The following LRP1B variants were observed in gnomAD, a reference collection of about 807,000 sequenced individuals.
LRP1B encodes LDL receptor related protein 1B, also known as low-density lipoprotein receptor-related protein 1B.
Under a neutral mutation model 556.6 loss-of-function variants are expected in LRP1B, and 217 were observed. The ratio of observed to expected loss-of-function variants is 0.39; its 90% CI spans 0.35 to 0.44. The LOEUF (loss-of-function observed/expected upper bound fraction) is 0.44. Among genes scored for constraint, LRP1B ranks in the 20% least tolerant of loss-of-function variants. LRP1B has a pLI of 1.00. For synonymous variants in LRP1B, 2,047 were observed against 1,865.8 expected, an observed-to-expected ratio of 1.10 and a Z score of -2.50; for missense variants, 5,053 against 5,620.8, an observed-to-expected ratio of 0.90 and a Z score of 3.23.
intron 21 of LRP1B, among the ~76,000 whole-genome samples, chr2:140,917,198 G>A (rs1375802586): frequency 1.3e-5 from 2 of 152,238 alleles, no homozygotes; most frequent in East Asian, 3.9e-4. Context: ...CAACACTAAA[G>A]GTGTTCAAGG....
In LRP1B at chr2:141,853,532, C is replaced by T. The variant is rs149356535; in HGVS notation, c.83-43131G>A. Among the ~76,000 whole-genome samples the T allele has an allele frequency of 4.0e-3, 604 of 151,304 alleles. 7 individuals are homozygous for T. Among genetic ancestry groups the T allele is most frequent in the African/African-American group, 0.014 (585 of 41,348 alleles). On this transcript the variant is annotated intron_variant, in intron 1 of 90. Coordinates refer to ENST00000389484, the MANE Select transcript of LRP1B (RefSeq NM_018557.3). ...TTTGAAGTGTATATGTATGTTGTCT[C>T]GGTATTGTTATGAAGCAAAACAAAA...
chr2:141,854,740 T>C (rs1345910962), intron 1 of LRP1B, among the ~76,000 whole-genome samples: 2 of 152,110 alleles, frequency 1.3e-5, no homozygotes, highest in African/African-American at 4.8e-5. Context: ...GGATTGTGTA[T>C]AAATACAATG....
chr2:141,075,744 C>T (rs952063860), intron 7 of LRP1B, among the ~76,000 whole-genome samples: 7 of 152,132 alleles, frequency 4.6e-5, no homozygotes, highest in African/African-American at 1.2e-4. Context: ...TAAGTATCCA[C>T]GAAGTTGTGG....
chr2:141,853,070 TATATTG>T (rs1299930684), intron 1 of LRP1B, among the ~76,000 whole-genome samples: 1 of 151,708 alleles, frequency 6.6e-6, no homozygotes, highest in African/African-American at 2.4e-5. Flanking sequence ...TTCTCTTTAT[TATATTG>T]ATATTAAAAG....
intron 1 of LRP1B, among the ~76,000 whole-genome samples, chr2:142,036,412 A>G (rs1264177503): frequency 6.6e-6 from 1 of 151,734 alleles, no homozygotes; most frequent in Admixed American, 6.6e-5. Flanking sequence ...CTCTTCATCT[A>G]TGAATACTTG....
At chr2:141,416,749 T>C (rs1026540784) in intron 3 of LRP1B, among the ~76,000 whole-genome samples, 2 of 152,036 alleles carry the variant, frequency 1.3e-5, no homozygotes, top group Admixed American at 1.3e-4. Flanking sequence ...CATTGTTGTG[T>C]TTACATCTCC....
At chr2:141,799,545 C>G (rs1695933834) in intron 2 of LRP1B, among the ~76,000 whole-genome samples, 1 of 151,980 alleles carries the variant, frequency 6.6e-6, no homozygotes, top group Non-Finnish European at 1.5e-5. Flanking sequence ...CAGCCAAGAC[C>G]CTAAATAAAC....
intron 10 of LRP1B, 61 bp from the exon 11 acceptor site, chr2:141,049,283 T>A: frequency 1.9e-6 from 2 of 1,059,316 alleles, no homozygotes; most frequent in South Asian, 2.6e-5. Flanking sequence ...TTACACTGCA[T>A]AATGCCACCG....
chr2:140,289,614 T>A (rs958228354), intron 84 of LRP1B, among the ~76,000 whole-genome samples: 29 of 151,816 alleles, frequency 1.9e-4, no homozygotes, highest in African/African-American at 6.5e-4. Context: ...CTTTTTTTTT[T>A]AATGAAGGCA....
intron 41 of LRP1B, among the ~76,000 whole-genome samples, chr2:140,628,049 G>T (rs912302766): frequency 1.3e-5 from 2 of 152,152 alleles, no homozygotes; most frequent in African/African-American, 4.8e-5. Context: ...TAAGACAGAG[G>T]CACCAAGCCA....
At chr2:142,117,169 G>C (rs1336363244) in intron 1 of LRP1B, among the ~76,000 whole-genome samples, 1 of 152,084 alleles carries the variant, frequency 6.6e-6, no homozygotes, top group Non-Finnish European at 1.5e-5. Context: ...AGTATTAAGA[G>C]AGTTTTGTTT....
chr2:141,376,033 G>C (rs1689419784), intron 3 of LRP1B, among the ~76,000 whole-genome samples: 1 of 152,122 alleles, frequency 6.6e-6, no homozygotes, highest in African/African-American at 2.4e-5. Flanking sequence ...GTCCATAGTA[G>C]GGCAGTAAGG....
intron 43 of LRP1B, among the ~76,000 whole-genome samples, chr2:140,550,098 C>T (rs1407778920): frequency 1.3e-5 from 2 of 151,742 alleles, no homozygotes; most frequent in Admixed American, 6.6e-5. Flanking sequence ...TGAGTAAGAA[C>T]GTGAGTCGTT....
intron 3 of LRP1B, among the ~76,000 whole-genome samples, chr2:141,472,262 T>C (rs1682502824): frequency 6.6e-6 from 1 of 152,184 alleles, no homozygotes; most frequent in African/African-American, 2.4e-5. Context: ...CTATTTAAAA[T>C]TGGCCGGACA....
At chr2:140,958,439 A>C (rs1283443588) in intron 18 of LRP1B, among the ~76,000 whole-genome samples, 1 of 151,692 alleles carries the variant, frequency 6.6e-6, no homozygotes, top group Non-Finnish European at 1.5e-5. Context: ...AACAAGTTAA[A>C]TTACAAATTA....
chr2:140,649,947 C>A (rs758858603), intron 41 of LRP1B, among the ~76,000 whole-genome samples: 2 of 152,118 alleles, frequency 1.3e-5, no homozygotes, highest in East Asian at 3.9e-4. Flanking sequence ...ACATGTCATT[C>A]AATTTACTCT....
At chr2:141,586,821 A>T (rs1357738386) in intron 2 of LRP1B, among the ~76,000 whole-genome samples, 1 of 151,912 alleles carries the variant, frequency 6.6e-6, no homozygotes. Flanking sequence ...GGGCGCCTGT[A>T]GTCCCAGCTA....
intron 1 of LRP1B, among the ~76,000 whole-genome samples, chr2:141,885,192 A>C (rs934117407): frequency 6.6e-6 from 1 of 152,194 alleles, no homozygotes; most frequent in African/African-American, 2.4e-5. Context: ...ATTTTGGTGT[A>C]AGTGAAATTT....
intron 2 of LRP1B, among the ~76,000 whole-genome samples, chr2:141,783,412 T>G (rs1574355019): frequency 6.6e-6 from 1 of 152,004 alleles, no homozygotes. Flanking sequence ...GACCTTACAG[T>G]CAAAATACAT....
Sources: gnomAD v4.1 joint callset for allele counts (sites outside exome capture counted in the v4.1 genomes callset) on GRCh38, gnomAD v4.1.1 for gene constraint, MANE v1.5 for transcripts, NCBI Gene and HGNC (gene_info 2026-07-23, HGNC 2026-07-21) for gene names.